VTI1A: variants seen among roughly 807,000 people sequenced by gnomAD.
VTI1A encodes the protein vesicle transport through interaction with t-SNAREs 1A, also known as vesicle transport through interaction with t-SNAREs homolog 1A.
VTI1A carries 22 observed loss-of-function variants against 34.9 expected under a neutral mutation model. The ratio of observed to expected loss-of-function variants is 0.63; its 90% CI spans 0.45 to 0.90. The LOEUF (loss-of-function observed/expected upper bound fraction) is 0.90. Among genes scored for constraint, VTI1A ranks in the 40% least tolerant of loss-of-function variants. The pLI is 0.00. For missense variants in VTI1A, 268 were observed against 275.6 expected, an observed-to-expected ratio of 0.97 and a Z score of 0.20; for synonymous variants, 87 against 97.3, an observed-to-expected ratio of 0.89 and a Z score of 0.62.
At chr10:112,803,968 G>A (rs931454819) in intron 7 of VTI1A, among the ~76,000 whole-genome samples, 3 of 152,212 alleles carry the variant, frequency 2.0e-5, no homozygotes, top group East Asian at 1.9e-4. Flanking sequence ...CAGCAAAGCC[G>A]CTCTGCAGGC....
At chr10:112,569,651 A>C (rs1017591795) in intron 5 of VTI1A, among the ~76,000 whole-genome samples, 16 of 152,266 alleles carry the variant, frequency 1.1e-4, no homozygotes, top group Admixed American at 3.9e-4. Context: ...TCCTGGGAAA[A>C]CTTTGGAAGG....
intron 5 of VTI1A, among the ~76,000 whole-genome samples, chr10:112,559,079 C>T (rs1256296966): frequency 6.6e-6 from 1 of 152,180 alleles, no homozygotes; most frequent in Non-Finnish European, 1.5e-5. Flanking sequence ...GATCCACCAT[C>T]AGCTTAGGAA....
chr10:112,654,680 A>G (rs1194243649), intron 5 of VTI1A, among the ~76,000 whole-genome samples: 1 of 152,156 alleles, frequency 6.6e-6, no homozygotes, highest in East Asian at 1.9e-4. Context: ...TTTTTAGTAG[A>G]GACGGGGTTT....
At chr10:112,793,271 C>CT (rs1458109218) in intron 7 of VTI1A, among the ~76,000 whole-genome samples, 9 of 152,192 alleles carry the variant, frequency 5.9e-5, no homozygotes, top group African/African-American at 9.7e-5. Context: ...CAGATTTGTG[C>CT]TGTTTGTGAT....
the VTI1A span, chr10:112,824,603 T>C: frequency 6.6e-6 from 1 of 152,296 alleles, no homozygotes; most frequent in African/African-American, 2.4e-5. Context: ...CAGATGGCTG[T>C]GGCTGGAATG....
chr10:112,830,840 TATATATA>T, the VTI1A span, among the ~76,000 whole-genome samples: 7 of 51,194 alleles, frequency 1.4e-4, no homozygotes, highest in African/African-American at 2.8e-4. Context: ...TATATATATA[TATATATA>T]TATTTTTTTT....
At chr10:112,759,437 CT>C (rs1483525357) in intron 7 of VTI1A, among the ~76,000 whole-genome samples, 7 of 152,184 alleles carry the variant, frequency 4.6e-5, no homozygotes, top group Non-Finnish European at 1.0e-4. Flanking sequence ...TGCTAATAAA[CT>C]TAATAAAATC....
intron 5 of VTI1A, among the ~76,000 whole-genome samples, chr10:112,540,924 G>A (rs558940154): frequency 1.3e-5 from 2 of 152,178 alleles, no homozygotes; most frequent in Admixed American, 6.5e-5. Flanking sequence ...ATGGCTTCCA[G>A]GTATTGGTCT....
In VTI1A at chr10:112,538,271, A is replaced by G; in HGVS notation, c.368A>G (p.Glu123Gly). The change falls in exon 5 of 8, where the codon GAG becomes GGG. Residue 123 changes from glutamate to glycine, a missense_variant. Glu to Gly is a moderately conservative substitution (Grantham distance 98). Coordinates refer to ENST00000393077, the MANE Select transcript of VTI1A (RefSeq NM_145206.4). Reference protein sequence around the residue: ...NQRAHLLDNTERLERSSRRLE... With the variant: ...NQRAHLLDNTGRLERSSRRLE... ...AGGGCACATCTGCTCGATAACACAG[A>G]GAGGCTGGAAAGGTCATCTCGGAGA... 6.2e-7 allele frequency: 1 copy of G among 1,613,502 alleles called. No homozygotes were observed. Among genetic ancestry groups the G allele is most frequent in the Non-Finnish European group, 8.5e-7 (1 of 1,179,790 alleles).
At chr10:112,483,927 A>G (rs905491239) in intron 3 of VTI1A, among the ~76,000 whole-genome samples, 1 of 152,222 alleles carries the variant, frequency 6.6e-6, no homozygotes, top group Non-Finnish European at 1.5e-5. Context: ...AAGCTCTCCT[A>G]ATTTGGATCC....
At chr10:112,726,153 T>C (rs1850018093) in intron 7 of VTI1A, among the ~76,000 whole-genome samples, 1 of 152,094 alleles carries the variant, frequency 6.6e-6, no homozygotes, top group Non-Finnish European at 1.5e-5. Flanking sequence ...ACCTGGATGC[T>C]CCCTCCCCAC....
At chr10:112,528,334 C>T (rs1850309256) in intron 4 of VTI1A, among the ~76,000 whole-genome samples, 1 of 151,670 alleles carries the variant, frequency 6.6e-6, no homozygotes, top group African/African-American at 2.4e-5. Context: ...CTCTACTCAC[C>T]CACCCCCAAA....
At chr10:112,706,161 C>G (rs555506118) in intron 7 of VTI1A, among the ~76,000 whole-genome samples, 1 of 152,094 alleles carries the variant, frequency 6.6e-6, no homozygotes, top group African/African-American at 2.4e-5. Flanking sequence ...AAAGTGCTGC[C>G]GACAGCCTCA....
intron 7 of VTI1A, among the ~76,000 whole-genome samples, chr10:112,747,749 C>T (rs1850949917): frequency 6.6e-6 from 1 of 152,000 alleles, no homozygotes; most frequent in Admixed American, 6.6e-5. Flanking sequence ...AAGAGGAATA[C>T]GGAGAGTATG....
At chr10:112,824,200 G>T in the VTI1A span, 1 of 152,248 alleles carries the variant, frequency 6.6e-6, no homozygotes, top group South Asian at 2.1e-4. Flanking sequence ...GAGCCAGGGG[G>T]CCTCCTCAGT....
At chr10:112,608,289 T>C (rs937645887) in intron 5 of VTI1A, among the ~76,000 whole-genome samples, 1 of 152,214 alleles carries the variant, frequency 6.6e-6, no homozygotes, top group Non-Finnish European at 1.5e-5. Context: ...TACATACATA[T>C]GCATATATAT....
intron 5 of VTI1A, among the ~76,000 whole-genome samples, chr10:112,598,873 C>T (rs534319357): frequency 2.6e-5 from 4 of 152,122 alleles, no homozygotes; most frequent in East Asian, 1.9e-4. Flanking sequence ...TGGGCTTATC[C>T]GGTTTCCTAC....
At chr10:112,826,762 G>A in the VTI1A span, 3 of 152,168 alleles carry the variant, frequency 2.0e-5, no homozygotes, top group African/African-American at 7.2e-5. Flanking sequence ...AGTTTTCTAA[G>A]CCACCCTCAT....
At chr10:112,507,927 C>A (rs560254497) in intron 3 of VTI1A, among the ~76,000 whole-genome samples, 1 of 152,270 alleles carries the variant, frequency 6.6e-6, no homozygotes, top group East Asian at 1.9e-4. Context: ...TGGCTCTCTT[C>A]TCTTTAAGAA....
Sources: gnomAD v4.1 joint callset for allele counts (sites outside exome capture counted in the v4.1 genomes callset) on GRCh38, gnomAD v4.1.1 for gene constraint, MANE v1.5 for transcripts, NCBI Gene and HGNC (gene_info 2026-07-23, HGNC 2026-07-21) for gene names.